Variants in ADAM10 observed in about 807,000 individuals in gnomAD.
ADAM10 encodes ADAM metallopeptidase domain 10.
A neutral mutation model predicts 90.1 loss-of-function variants in ADAM10; 17 were observed. The ratio of observed to expected loss-of-function variants is 0.19; its 90% CI spans 0.13 to 0.28. The LOEUF is 0.28. Among genes scored for constraint, ADAM10 ranks in the 10% least tolerant of loss-of-function variants. The probability of loss-of-function intolerance (pLI) is 1.00; values close to 1 mark genes in which losing one functional copy is unlikely to be tolerated. For missense variants in ADAM10, 610 were observed against 914.3 expected (o/e 0.67, Z 4.29); for synonymous variants, 310 against 298.6 (o/e 1.04, Z -0.40).
chr15:58,608,820 T>C (rs985282238), intron 14 of ADAM10, among the ~76,000 whole-genome samples: 14 of 152,140 alleles, frequency 9.2e-5, no homozygotes, highest in African/African-American at 3.4e-4. Context: ...GAGTGAAAAT[T>C]AGAGATAACA....
In ADAM10 at chr15:58,589,754, A is replaced by G. The variant is rs921351273; in HGVS notation, c.*7793T>C. ...AAAATTCCAGGGCACAGCAGGTCAC[A>G]TGGACACCTCATTCATCCTGGTAGG... On this transcript the variant is annotated 3_prime_UTR_variant, in exon 16 of 16. Coordinates refer to ENST00000260408, the MANE Select transcript of ADAM10 (RefSeq NM_001110.4). The G allele has an allele frequency of 6.6e-6, 1 of 152,210 alleles. No homozygotes were observed. The highest frequency in any genetic ancestry group is 2.4e-5 in the African/African-American group (1 of 41,450). The allele number at this position is 152,210 out of a possible 1,614,324, so 9.4% of individuals were successfully genotyped here. A position where few individuals can be genotyped will look rare whatever the true frequency, so the allele number is the denominator to read the frequency against.
rs201008048 is a variant in ADAM10, at chr15:58,715,414, C to CAA, written c.206+2161_206+2162dup. On this transcript the variant is annotated intron_variant, in intron 2 of 15. Coordinates refer to ENST00000260408, the MANE Select transcript of ADAM10 (RefSeq NM_001110.4). The stretch of plus-strand genomic sequence containing the variant: ...CAGGCAACAGAGCAAGACTCTGTCT[C>CAA]AAAAAAAAAAAAAAAGTACCCTAAA... Among the ~76,000 whole-genome samples, 99 of 128,466 alleles carry CAA rather than the reference C, an allele frequency of 7.7e-4. 2 individuals are homozygous for CAA. The Middle Eastern group carries it at 0.016, about 21-fold the overall frequency. 84.3% of individuals were successfully genotyped at this position (128,466 alleles called of 152,430 possible).
Position 58,590,080 on chromosome 15 carries a change from A to G in ADAM10, c.*7467T>C, listed in dbSNP as rs1241430468. The stretch of plus-strand genomic sequence containing the variant: ...ACCAATCGACATTATTAAAAATTCT[A>G]TGTAATCTATTTAAACTCTCTTCAT... On this transcript the variant is annotated 3_prime_UTR_variant, in exon 16 of 16. Transcript: ENST00000260408. The G allele has an allele frequency of 6.6e-6, 1 of 152,200 alleles. No individual in the cohort carries two copies. Among genetic ancestry groups the G allele is most frequent in the Non-Finnish European group, 1.5e-5 (1 of 68,034 alleles). The allele number at this position is 152,200 out of a possible 1,614,324, so 9.4% of individuals were successfully genotyped here.
At chr15:58,733,667 G>A (rs1187705643) in intron 1 of ADAM10, among the ~76,000 whole-genome samples, 3 of 152,116 alleles carry the variant, frequency 2.0e-5, no homozygotes, top group East Asian at 3.8e-4. Context: ...AACCTCTATA[G>A]GGGATTCATG....
At chr15:58,613,305 T>C (rs1227038508) in intron 11 of ADAM10, among the ~76,000 whole-genome samples, 1 of 152,126 alleles carries the variant, frequency 6.6e-6, no homozygotes, top group Non-Finnish European at 1.5e-5. Context: ...GGTGAGAGTA[T>C]ATCTCCATGA....
intron 4 of ADAM10, among the ~76,000 whole-genome samples, chr15:58,674,456 T>G (rs1186301173): frequency 6.6e-6 from 1 of 152,222 alleles, no homozygotes; most frequent in Non-Finnish European, 1.5e-5. Flanking sequence ...AATATGCTTA[T>G]GCAGATTTCC....
chr15:58,720,921 C>T (rs980736117), intron 1 of ADAM10, among the ~76,000 whole-genome samples: 1 of 152,202 alleles, frequency 6.6e-6, no homozygotes, highest in Non-Finnish European at 1.5e-5. Context: ...GTTGCCATAG[C>T]ACAAGCTTGG....
At chr15:58,693,013 G>GGAC (rs750725415) in intron 2 of ADAM10, 137 of 781,080 alleles carry the variant, frequency 1.8e-4, no homozygotes, top group Admixed American at 4.2e-4. Context: ...CAACTTGGAA[G>GGAC]GGTCTGTCAG....
At chr15:58,744,981 G>C (rs1364086678) in intron 1 of ADAM10, among the ~76,000 whole-genome samples, 2 of 152,208 alleles carry the variant, frequency 1.3e-5, no homozygotes, top group Admixed American at 6.5e-5. Context: ...TCAGGAGTTC[G>C]AGACCAGTCT....
intron 1 of ADAM10, among the ~76,000 whole-genome samples, chr15:58,728,926 C>G (rs1276716978): frequency 6.6e-6 from 1 of 152,128 alleles, no homozygotes; most frequent in African/African-American, 2.4e-5. Context: ...AAATGACAAC[C>G]AGTGACCACA....
chr15:58,729,899 C>T (rs1196131324), intron 1 of ADAM10, among the ~76,000 whole-genome samples: 1 of 150,926 alleles, frequency 6.6e-6, no homozygotes, highest in African/African-American at 2.4e-5. Context: ...GAGGCGGAGG[C>T]TGCGGCGAGC....
At chr15:58,621,760 A>G in intron 10 of ADAM10, 139 bp from the exon 11 acceptor site, 1 of 1,069,748 alleles carries the variant, frequency 9.3e-7, no homozygotes, top group Non-Finnish European at 1.4e-6. Context: ...AGGAATCTGG[A>G]AATTACGAGA....
chr15:58,716,349 A>T (rs1365152019), intron 2 of ADAM10, among the ~76,000 whole-genome samples: 1 of 152,206 alleles, frequency 6.6e-6, no homozygotes, highest in Non-Finnish European at 1.5e-5. Flanking sequence ...CACAAAAAGG[A>T]AGAGGGCACA....
chr15:58,619,550 T>C (rs1007601342), intron 11 of ADAM10, among the ~76,000 whole-genome samples: 2 of 152,230 alleles, frequency 1.3e-5, no homozygotes, highest in African/African-American at 2.4e-5. Context: ...AGATATTGTA[T>C]GCATGTATCA....
rs112091924 is a variant in ADAM10, at chr15:58,641,335, A to C, written c.829-375T>G. Among the ~76,000 whole-genome samples, 541 of 152,254 alleles carry C rather than the reference A, an allele frequency of 3.6e-3. 5 individuals carry two copies. The highest frequency in any genetic ancestry group is 0.013 in the African/African-American group (520 of 41,550). On this transcript the variant is annotated intron_variant, in intron 7 of 15. Transcript: ENST00000260408. ...CTCTGAACAAGTCTCCTTTAGTCCTAATCTCCTACATATGGTGACACTTAC... is the reference window on the plus strand; with the variant it reads ...CTCTGAACAAGTCTCCTTTAGTCCTCATCTCCTACATATGGTGACACTTAC...
At chr15:58,743,627 G>C (rs377427594) in intron 1 of ADAM10, among the ~76,000 whole-genome samples, 1 of 149,728 alleles carries the variant, frequency 6.7e-6, no homozygotes, top group Admixed American at 6.6e-5. Context: ...TTTTTGAGAC[G>C]GAGTTTCACT....
intron 2 of ADAM10, among the ~76,000 whole-genome samples, chr15:58,711,200 G>C (rs951757295): frequency 2.0e-5 from 3 of 152,110 alleles, no homozygotes; most frequent in Non-Finnish European, 4.4e-5. Context: ...TGCACTTAAG[G>C]AAAGTTTTTG....
chr15:58,630,737 A>G (rs569110894), intron 9 of ADAM10, among the ~76,000 whole-genome samples: 5 of 152,348 alleles, frequency 3.3e-5, no homozygotes, highest in African/African-American at 1.2e-4. Flanking sequence ...CTACAAACGT[A>G]TAAGAGAGAA....
At chr15:58,640,693 C>T (rs933095077) in intron 8 of ADAM10, 84 bp downstream of exon 8, 12 of 1,318,710 alleles carry the variant, frequency 9.1e-6, no homozygotes, top group Admixed American at 5.7e-5. Context: ...TCACTTTCTC[C>T]TATACTTTGA....
Sources: allele counts gnomAD v4.1 joint callset (sites outside exome capture counted in the v4.1 genomes callset), GRCh38; gene constraint gnomAD v4.1.1; transcripts MANE v1.5; gene names NCBI Gene and HGNC (gene_info 2026-07-23, HGNC 2026-07-21).